TENM3: variants seen among roughly 807,000 people sequenced by gnomAD.
TENM3 encodes teneurin-3.
A neutral mutation model predicts 255.1 loss-of-function variants in TENM3; 63 were observed. The observed-to-expected ratio is 0.25, with a 90% CI of 0.20 to 0.30. The LOEUF is 0.30. Among genes scored for constraint, TENM3 ranks in the 10% least tolerant of loss-of-function variants. TENM3 has a pLI of 1.00. For synonymous variants in TENM3, 1,306 were observed against 1,322.3 expected, an observed-to-expected ratio of 0.99 and a Z score of 0.27; for missense variants, 2,929 against 3,461.1, an observed-to-expected ratio of 0.85 and a Z score of 3.86.
chr4:182,269,001 G>T (rs1382775658), intron 1 of TENM3, among the ~76,000 whole-genome samples: 2 of 152,038 alleles, frequency 1.3e-5, no homozygotes, highest in Non-Finnish European at 2.9e-5. Flanking sequence ...GATCTGGATG[G>T]GGACCCCTTT....
chr4:182,448,262 G>A (rs529971695), intron 3 of TENM3, among the ~76,000 whole-genome samples: 2 of 152,328 alleles, frequency 1.3e-5, no homozygotes, highest in East Asian at 1.9e-4. Context: ...AGAGGCGGTG[G>A]CCGAGGCCCA....
intron 1 of TENM3, among the ~76,000 whole-genome samples, chr4:182,258,497 G>A (rs541803009): frequency 5.0e-4 from 76 of 151,902 alleles, no homozygotes; most frequent in African/African-American, 1.8e-3. Flanking sequence ...ACTTTAAATT[G>A]CTTAGTGTTT....
intron 22 of TENM3, among the ~76,000 whole-genome samples, chr4:182,760,827 C>T (rs1763127696): frequency 2.0e-5 from 3 of 152,160 alleles, no homozygotes; most frequent in African/African-American, 7.2e-5. Flanking sequence ...CATCAGTTCT[C>T]ATGCTGTAGG....
chr4:182,242,597 C>CA (rs1410319314), upstream of TENM3, among the ~76,000 whole-genome samples: 2 of 151,996 alleles, frequency 1.3e-5, no homozygotes, highest in Non-Finnish European at 2.9e-5. Context: ...CCCGTCTCTA[C>CA]AAAAAATACA....
chr4:181,888,540 ATATATATATGTATATAT>A, the TENM3 span, among the ~76,000 whole-genome samples: 24 of 121,686 alleles, frequency 2.0e-4, 1 homozygote, highest in African/African-American at 6.9e-4. Context: ...ATATGTGTAT[ATATATATATGTATATAT>A]ATACATATAT....
At chr4:182,265,808 G>A (rs766357904) in intron 1 of TENM3, among the ~76,000 whole-genome samples, 1 of 152,100 alleles carries the variant, frequency 6.6e-6, no homozygotes, top group Non-Finnish European at 1.5e-5. Context: ...TATTTTAAAA[G>A]CAACATAAAA....
At chr4:181,902,299 G>A in the TENM3 span, among the ~76,000 whole-genome samples, 27 of 152,058 alleles carry the variant, frequency 1.8e-4, no homozygotes, top group Non-Finnish European at 2.9e-4. Context: ...CTCCCATTCC[G>A]TAGGTTGCTT....
In TENM3 at chr4:182,800,118, C is replaced by A; in HGVS notation, c.7867C>A (p.Gln2623Lys). ...LDEEKARILE[Q>K]ARQRALARAW... ...CGAGGAGAAGGCGCGCATCCTGGAG[C>A]AGGCGCGGCAGCGCGCGCTCGCCCG... is the stretch of plus-strand genomic sequence containing the variant. Residue 2623 changes from glutamine to lysine, a missense_variant, in exon 28 of 28, where the codon CAG (glutamine) becomes AAG (lysine). Transcript: ENST00000511685. 1 of 1,513,724 alleles carries A rather than the reference C, an allele frequency of 6.6e-7. No homozygotes were observed. The highest frequency in any genetic ancestry group is 8.8e-7 in the Non-Finnish European group (1 of 1,139,366). 93.8% of individuals were successfully genotyped at this position (1,513,724 alleles called of 1,614,324 possible). A position where few individuals can be genotyped will look rare whatever the true frequency, so the allele number is the denominator to read the frequency against.
At chr4:181,967,288 T>G in the TENM3 span, among the ~76,000 whole-genome samples, 1 of 152,156 alleles carries the variant, frequency 6.6e-6, no homozygotes, top group South Asian at 2.1e-4. Context: ...TGTCAGGTGA[T>G]CCTACCCAGT....
chr4:181,595,680 G>A, the TENM3 span, among the ~76,000 whole-genome samples: 2 of 151,966 alleles, frequency 1.3e-5, no homozygotes, highest in Non-Finnish European at 2.9e-5. Context: ...CAAGATCTGG[G>A]TCCTGACTTC....
At chr4:182,357,992 C>G (rs1011193784) in intron 3 of TENM3, among the ~76,000 whole-genome samples, 1 of 148,044 alleles carries the variant, frequency 6.8e-6, no homozygotes, top group African/African-American at 2.5e-5. Context: ...CCCCATTGCT[C>G]GTTTTTCTCA....
the TENM3 span, among the ~76,000 whole-genome samples, chr4:181,782,091 T>C: frequency 6.6e-6 from 1 of 152,178 alleles, no homozygotes; most frequent in South Asian, 2.1e-4. Flanking sequence ...TTTTTTTTGT[T>C]GTATCTCTGC....
At chr4:182,386,913 C>G (rs1220953769) in intron 3 of TENM3, among the ~76,000 whole-genome samples, 8 of 152,236 alleles carry the variant, frequency 5.3e-5, no homozygotes, top group South Asian at 4.1e-4. Context: ...TCCCATCGAC[C>G]GCCCAAGGGC....
At chr4:181,535,743 C>A in the TENM3 span, among the ~76,000 whole-genome samples, 1 of 152,132 alleles carries the variant, frequency 6.6e-6, no homozygotes, top group Non-Finnish European at 1.5e-5. Context: ...CATGGACTTC[C>A]TATTTCTTCC....
intron 3 of TENM3, chr4:182,548,522 G>A (rs1741682652): frequency 6.6e-6 from 1 of 152,188 alleles, no homozygotes; most frequent in South Asian, 2.1e-4. Flanking sequence ...TGACCCCAAG[G>A]CCGGGTGAGC....
chr4:182,705,893 C>T (rs1758244846), intron 12 of TENM3, among the ~76,000 whole-genome samples: 2 of 152,170 alleles, frequency 1.3e-5, no homozygotes, highest in African/African-American at 4.8e-5. Context: ...TACTATCTTG[C>T]CCACTGGTTT....
At chr4:181,914,129 G>C in the TENM3 span, among the ~76,000 whole-genome samples, 1 of 152,226 alleles carries the variant, frequency 6.6e-6, no homozygotes, top group East Asian at 1.9e-4. Flanking sequence ...TCACTCCTTT[G>C]GTTAAAATGT....
the TENM3 span, among the ~76,000 whole-genome samples, chr4:181,894,472 C>T: frequency 3.1e-3 from 469 of 152,138 alleles, 2 homozygotes; most frequent in African/African-American, 0.011. Flanking sequence ...GCTGATAAAC[C>T]CATCAAAAGG....
chr4:181,756,273 G>A, the TENM3 span, among the ~76,000 whole-genome samples: 1 of 152,136 alleles, frequency 6.6e-6, no homozygotes, highest in Admixed American at 6.6e-5. Context: ...TTGCCCGGTA[G>A]CATAAATAGG....
Sources: gnomAD v4.1 joint callset for allele counts (sites outside exome capture counted in the v4.1 genomes callset) on GRCh38, gnomAD v4.1.1 for gene constraint, MANE v1.5 for transcripts, NCBI Gene and HGNC (gene_info 2026-07-23, HGNC 2026-07-21) for gene names.